The following PTCHD4 variants were observed in gnomAD, a reference collection of about 807,000 sequenced individuals.
PTCHD4 encodes the protein patched domain containing 4.
Under a neutral mutation model 58.1 loss-of-function variants are expected in PTCHD4, and 33 were observed. The observed-to-expected ratio is 0.57, with a 90% CI of 0.43 to 0.76. The LOEUF (loss-of-function observed/expected upper bound fraction) is 0.76, where lower values mean the gene tolerates loss of function less well. Ranked by LOEUF, PTCHD4 falls within the 30% of genes least tolerant of loss-of-function variation. The pLI is 0.00. For missense variants in PTCHD4, 1,058 were observed against 1,027.1 expected, an observed-to-expected ratio of 1.03 and a Z score of -0.41; for synonymous variants, 478 against 409.6, an observed-to-expected ratio of 1.17 and a Z score of -2.02.
intron 4 of PTCHD4, among the ~76,000 whole-genome samples, chr6:47,952,711 T>G (rs1178453254): frequency 2.0e-5 from 3 of 152,136 alleles, no homozygotes; most frequent in African/African-American, 7.2e-5. Flanking sequence ...TTTGTACGGA[T>G]TTGTAGTTTA....
Position 48,008,662 on chromosome 6 carries a change from G to T in PTCHD4, c.870C>A (p.Thr290=). 2 of 1,613,366 alleles carry T rather than the reference G, an allele frequency of 1.2e-6. No individual in the cohort carries two copies. The highest frequency in any genetic ancestry group is 1.7e-6 in the Non-Finnish European group (2 of 1,179,664). Residue 290 remains threonine (T), a synonymous_variant, in exon 4 of 5, where the codon ACC becomes ACA. Transcript: ENST00000339488. ...TGGCGAAGAACGGGATTCCCAGCAG[G>T]GTGGAGTTGTACTTTCCATCGGTGA... is the stretch of plus-strand genomic sequence containing the variant. ...FFITDGKYNS[T]LLGIPFFAMG...
chr6:47,948,868 T>C (rs975086896), intron 4 of PTCHD4, among the ~76,000 whole-genome samples: 1 of 152,150 alleles, frequency 6.6e-6, no homozygotes, highest in Non-Finnish European at 1.5e-5. Flanking sequence ...CACTGTCCCC[T>C]CCTTACCCTC....
chr6:47,890,353 G>A (rs867562189), intron 4 of PTCHD4, among the ~76,000 whole-genome samples: 1 of 152,112 alleles, frequency 6.6e-6, no homozygotes, highest in East Asian at 1.9e-4. Flanking sequence ...TAATTAACAC[G>A]ATTTGATATT....
At chr6:48,010,843 G>A (rs1762642319) in intron 3 of PTCHD4, among the ~76,000 whole-genome samples, 1 of 152,036 alleles carries the variant, frequency 6.6e-6, no homozygotes. Flanking sequence ...TGAGTGTTTG[G>A]TTTTCTGTTC....
chr6:48,067,584 C>G (rs1049798696), intron 3 of PTCHD4, among the ~76,000 whole-genome samples: 8 of 152,102 alleles, frequency 5.3e-5, no homozygotes, highest in African/African-American at 1.9e-4. Flanking sequence ...CACACTCACA[C>G]GGCACCAAAA....
At chr6:47,905,556 T>C (rs1245707136) in intron 4 of PTCHD4, among the ~76,000 whole-genome samples, 2 of 152,238 alleles carry the variant, frequency 1.3e-5, no homozygotes, top group Non-Finnish European at 2.9e-5. Context: ...TTGTTACATG[T>C]AGCCTACTAT....
intron 1 of PTCHD4, among the ~76,000 whole-genome samples, chr6:48,072,244 T>TATTC (rs1417719798): frequency 6.6e-6 from 1 of 152,214 alleles, no homozygotes; most frequent in Non-Finnish European, 1.5e-5. Context: ...TTTCTCTATT[T>TATTC]ATTCATTCAT....
At chr6:47,884,918 A>T (rs1438339892) in intron 4 of PTCHD4, among the ~76,000 whole-genome samples, 1 of 152,168 alleles carries the variant, frequency 6.6e-6, no homozygotes, top group Non-Finnish European at 1.5e-5. Flanking sequence ...AACTATGAAG[A>T]GGTAGTTGTG....
intron 1 of PTCHD4, among the ~76,000 whole-genome samples, chr6:48,081,985 G>C (rs191255547): frequency 2.8e-4 from 43 of 152,244 alleles, no homozygotes; most frequent in African/African-American, 1.0e-3. Context: ...CCCACCCAAA[G>C]GCCCTGTTCA....
chr6:48,027,523 C>CA (rs776774309), intron 3 of PTCHD4, among the ~76,000 whole-genome samples: 40 of 152,030 alleles, frequency 2.6e-4, no homozygotes, highest in Non-Finnish European at 7.4e-5. Flanking sequence ...AAATTGTTTC[C>CA]AAAATCTCTT....
intron 4 of PTCHD4, among the ~76,000 whole-genome samples, chr6:47,997,505 C>G (rs1199047752): frequency 1.2e-4 from 18 of 152,144 alleles, no homozygotes; most frequent in Non-Finnish European, 1.5e-5. Context: ...CTTCAAGTAT[C>G]ATTGGCCTGG....
chr6:48,083,960 C>A (rs1349079836), intron 1 of PTCHD4, among the ~76,000 whole-genome samples: 1 of 152,168 alleles, frequency 6.6e-6, no homozygotes, highest in African/African-American at 2.4e-5. Context: ...TATACTCAGA[C>A]TTTTGAGCTA....
chr6:48,012,685 A>G (rs558659656), intron 3 of PTCHD4, among the ~76,000 whole-genome samples: 43 of 152,184 alleles, frequency 2.8e-4, no homozygotes, highest in Non-Finnish European at 5.4e-4. Context: ...GCTTTTGCCC[A>G]TTCAGTATGA....
chr6:47,998,124 G>GT (rs370860200), intron 4 of PTCHD4, among the ~76,000 whole-genome samples: 17 of 151,280 alleles, frequency 1.1e-4, no homozygotes, highest in South Asian at 2.1e-4. Context: ...CACCAGGAAT[G>GT]TTTTTTTTTC....
At position 47,878,056 on chromosome 6, in the gene PTCHD4, A is replaced by G. The variant is rs982713719; in HGVS notation, c.*247T>C. On this transcript the variant is annotated 3_prime_UTR_variant, in exon 5 of 5. Coordinates refer to ENST00000339488, the MANE Select transcript of PTCHD4 (RefSeq NM_001384253.1). ...TCCATTGATTCATCCATTCCTTGGA[A>G]GAGCTCTCAGATTACATCCAGAAAC... 3 of 361,130 alleles carry G rather than the reference A, an allele frequency of 8.3e-6. No homozygotes were observed. Among genetic ancestry groups the G allele is most frequent in the East Asian group, 9.0e-5 (2 of 22,280 alleles). 22.4% of individuals were successfully genotyped at this position (361,130 alleles called of 1,614,324 possible).
chr6:48,103,296 A>G (rs1765647808), intron 1 of PTCHD4, among the ~76,000 whole-genome samples: 1 of 152,208 alleles, frequency 6.6e-6, no homozygotes, highest in Non-Finnish European at 1.5e-5. Flanking sequence ...GCGGTTCACC[A>G]ATATCCGCTG....
At chr6:47,954,814 C>T (rs180938939) in intron 4 of PTCHD4, among the ~76,000 whole-genome samples, 288 of 152,234 alleles carry the variant, frequency 1.9e-3, no homozygotes, top group Non-Finnish European at 3.3e-3. Context: ...TATAGGTGGG[C>T]CTTTAAGACT....
intron 4 of PTCHD4, among the ~76,000 whole-genome samples, chr6:48,001,178 TG>T (rs1303275121): frequency 1.3e-5 from 2 of 152,170 alleles, no homozygotes; most frequent in Non-Finnish European, 1.5e-5. Context: ...ATGGCCATAC[TG>T]CCCTAGGTAA....
chr6:48,037,910 A>AG (rs938514613), intron 3 of PTCHD4, among the ~76,000 whole-genome samples: 2 of 102,174 alleles, frequency 2.0e-5, no homozygotes, highest in Non-Finnish European at 4.2e-5. Flanking sequence ...AAAGTAAAAA[A>AG]AAAAAAAAAA....
Sources: gnomAD v4.1 joint callset for allele counts (sites outside exome capture counted in the v4.1 genomes callset) on GRCh38, gnomAD v4.1.1 for gene constraint, MANE v1.5 for transcripts, NCBI Gene and HGNC (gene_info 2026-07-23, HGNC 2026-07-21) for gene names.